The following PTPRG variants were observed in gnomAD, a reference collection of about 807,000 sequenced individuals.
PTPRG encodes protein tyrosine phosphatase receptor type G.
PTPRG carries 102 observed loss-of-function variants against 165.3 expected under a neutral mutation model. The ratio of observed to expected loss-of-function variants is 0.62; its 90% CI spans 0.53 to 0.73. The LOEUF is 0.73. Ranked by LOEUF, PTPRG falls within the 30% of genes least tolerant of loss-of-function variation. The pLI, the probability that PTPRG is intolerant of heterozygous loss-of-function variation, is 0.00. For synonymous variants in PTPRG, 675 were observed against 669.5 expected, an observed-to-expected ratio of 1.01 and a Z score of -0.13; for missense variants, 1,866 against 1,861.4, an observed-to-expected ratio of 1.00 and a Z score of -0.05.
At chr3:62,127,884 A>G (rs1285554933) in intron 5 of PTPRG, among the ~76,000 whole-genome samples, 2 of 152,210 alleles carry the variant, frequency 1.3e-5, no homozygotes, top group African/African-American at 4.8e-5. Context: ...CCTCCAGGTA[A>G]ACATATCTCT....
At chr3:61,995,682 G>GCGTTCCTTCCTT (rs1553702213) in intron 3 of PTPRG, among the ~76,000 whole-genome samples, 2 of 72,722 alleles carry the variant, frequency 2.8e-5, no homozygotes, top group Non-Finnish European at 2.8e-5. Flanking sequence ...CTGCCCGCCC[G>GCGTTCCTTCCTT]CCTTCCTTCC....
intron 1 of PTPRG, among the ~76,000 whole-genome samples, chr3:61,660,653 G>A (rs368433679): frequency 6.6e-5 from 10 of 152,258 alleles, no homozygotes; most frequent in East Asian, 3.9e-4. Context: ...AGAACAGCAC[G>A]TGGTTCAGTA....
chr3:62,004,899 C>T (rs1356582800), intron 4 of PTPRG, among the ~76,000 whole-genome samples: 1 of 152,204 alleles, frequency 6.6e-6, no homozygotes, highest in East Asian at 1.9e-4. Flanking sequence ...AAGACACATG[C>T]ATCTATCTAC....
intron 1 of PTPRG, among the ~76,000 whole-genome samples, chr3:61,589,488 T>C (rs1700514590): frequency 6.6e-6 from 1 of 152,222 alleles, no homozygotes; most frequent in Non-Finnish European, 1.5e-5. Flanking sequence ...GAGAAAACTT[T>C]GAGGCTCACA....
At chr3:62,119,955 T>G (rs1703005075) in intron 5 of PTPRG, among the ~76,000 whole-genome samples, 1 of 152,076 alleles carries the variant, frequency 6.6e-6, no homozygotes, top group African/African-American at 2.4e-5. Context: ...TAAAAGCTCA[T>G]TCTGACTCAG....
At position 62,272,661 on chromosome 3, in the gene PTPRG, C is replaced by A. The variant is rs116243285; in HGVS notation, c.3183-285C>A. Among the ~76,000 whole-genome samples, 615 of 152,092 alleles carry A rather than the reference C, an allele frequency of 4.0e-3. 6 individuals are homozygous for A. The highest frequency in any genetic ancestry group is 0.014 in the African/African-American group (571 of 41,500). On this transcript the variant is annotated intron_variant, in intron 21 of 29. Coordinates refer to ENST00000474889, the MANE Select transcript of PTPRG (RefSeq NM_002841.4). ...GAGTTCGATACCAGTCTGGCCAACA[C>A]GGTGAAACCTCTACTAAAGATAAAA...
intron 6 of PTPRG, among the ~76,000 whole-genome samples, chr3:62,147,206 C>G (rs562925200): frequency 6.6e-6 from 1 of 152,106 alleles, no homozygotes; most frequent in Non-Finnish European, 1.5e-5. Context: ...TAAGTGTGAA[C>G]TGGGAAAAGG....
At chr3:62,090,569 A>T in intron 5 of PTPRG, among the ~76,000 whole-genome samples, 1 of 152,172 alleles carries the variant, frequency 6.6e-6, no homozygotes, top group Non-Finnish European at 1.5e-5. Flanking sequence ...AAATGTCCTC[A>T]TCCGACTAAA....
chr3:62,160,458 T>A (rs1190205420), intron 7 of PTPRG, among the ~76,000 whole-genome samples: 1 of 152,238 alleles, frequency 6.6e-6, no homozygotes, highest in East Asian at 1.9e-4. Flanking sequence ...TCTAAACATC[T>A]TCTGAAAATA....
chr3:61,582,154 G>A (rs575371692), intron 1 of PTPRG, among the ~76,000 whole-genome samples: 4 of 151,878 alleles, frequency 2.6e-5, no homozygotes, highest in Non-Finnish European at 5.9e-5. Flanking sequence ...TTTTTGTAGA[G>A]ACAGGGTTTT....
intron 2 of PTPRG, among the ~76,000 whole-genome samples, chr3:61,893,539 G>C (rs1389702118): frequency 6.6e-6 from 1 of 152,228 alleles, no homozygotes; most frequent in African/African-American, 2.4e-5. Context: ...TGGCGCAGCT[G>C]CCTCTGCAGT....
chr3:61,889,972 T>G (rs377375709), intron 2 of PTPRG, among the ~76,000 whole-genome samples: 4 of 152,298 alleles, frequency 2.6e-5, no homozygotes, highest in Admixed American at 2.0e-4. Context: ...ACACATGGAA[T>G]TATTTTAGCA....
chr3:61,954,326 T>C (rs2039985531), intron 2 of PTPRG, among the ~76,000 whole-genome samples: 1 of 152,182 alleles, frequency 6.6e-6, no homozygotes, highest in Admixed American at 6.5e-5. Flanking sequence ...GGTGGTGTGC[T>C]GGGAAATGTA....
intron 2 of PTPRG, among the ~76,000 whole-genome samples, chr3:61,806,756 T>C (rs183696229): frequency 3.3e-5 from 5 of 152,334 alleles, no homozygotes; most frequent in Admixed American, 2.6e-4. Context: ...ATAAGAGTTT[T>C]GCCTATTAGA....
At chr3:62,123,710 T>TA (rs937709462) in intron 5 of PTPRG, among the ~76,000 whole-genome samples, 7 of 151,688 alleles carry the variant, frequency 4.6e-5, no homozygotes, top group African/African-American at 1.4e-4. Flanking sequence ...AAGAAAACTC[T>TA]AATTAAAGAG....
chr3:62,209,350 C>T (rs1322751573), intron 12 of PTPRG, among the ~76,000 whole-genome samples: 1 of 152,080 alleles, frequency 6.6e-6, no homozygotes, highest in Non-Finnish European at 1.5e-5. Context: ...ATGCCAAGGC[C>T]GAGAACCCCT....
intron 2 of PTPRG, among the ~76,000 whole-genome samples, chr3:61,852,960 C>G (rs991700677): frequency 6.6e-6 from 1 of 152,182 alleles, no homozygotes; most frequent in African/African-American, 2.4e-5. Flanking sequence ...CACTGCCTAC[C>G]TGACATCCAT....
At chr3:62,169,610 G>A (rs1337412450) in intron 8 of PTPRG, among the ~76,000 whole-genome samples, 1 of 152,112 alleles carries the variant, frequency 6.6e-6, no homozygotes, top group Non-Finnish European at 1.5e-5. Flanking sequence ...AATGCTGAGG[G>A]GAGCAAGGCT....
At chr3:62,293,093 G>A in intron 29 of PTPRG, 68 bp from the exon 30 acceptor site, 1 of 1,306,100 alleles carries the variant, frequency 7.7e-7, no homozygotes, top group Non-Finnish European at 1.0e-6. Context: ...ATTTTAATTG[G>A]TATTTCCACC....
Sources: allele counts gnomAD v4.1 joint callset (sites outside exome capture counted in the v4.1 genomes callset), GRCh38; gene constraint gnomAD v4.1.1; transcripts MANE v1.5; gene names NCBI Gene and HGNC (gene_info 2026-07-23, HGNC 2026-07-21).